Variants in DZIP1L observed in about 807,000 individuals in gnomAD.
DZIP1L encodes cilium assembly protein DZIP1L.
DZIP1L carries 90 observed loss-of-function variants against 88.7 expected under a neutral mutation model. The observed-to-expected ratio is 1.02, with a 90% confidence interval of 0.86 to 1.21. The LOEUF (loss-of-function observed/expected upper bound fraction) is 1.21, where lower values mean the gene tolerates loss of function less well. Ranked by LOEUF, DZIP1L falls within the 50% of genes most tolerant of loss-of-function variation. The pLI is 0.00. For synonymous variants in DZIP1L, 363 were observed against 372.1 expected (o/e 0.98, Z 0.28); for missense variants, 932 against 955.8 (o/e 0.98, Z 0.33).
At chr3:138,101,291 G>A (rs1332771715) in intron 2 of DZIP1L, among the ~76,000 whole-genome samples, 1 of 149,402 alleles carries the variant, frequency 6.7e-6, no homozygotes. Flanking sequence ...CAATTGAATT[G>A]TTTTGTAGCT....
chr3:138,105,445 T>A (rs1267127923), intron 1 of DZIP1L, among the ~76,000 whole-genome samples: 1 of 152,064 alleles, frequency 6.6e-6, no homozygotes, highest in Non-Finnish European at 1.5e-5. Flanking sequence ...GATACCAAAA[T>A]CTACAGATGC....
rs1944301820 is a variant in DZIP1L, at chr3:138,092,867, G to T, written c.709-323C>A. ...TCTTCAGGCTCCACTTCTAAGTCTAGTTCTCTTGCTATTTCCACCACATCT... is the reference window on the plus strand; with the variant it reads ...TCTTCAGGCTCCACTTCTAAGTCTATTTCTCTTGCTATTTCCACCACATCT... On this transcript the variant is annotated intron_variant, in intron 4 of 15. Coordinates refer to ENST00000327532, the MANE Select transcript of DZIP1L (RefSeq NM_173543.3). Among the ~76,000 whole-genome samples the T allele has an allele frequency of 3.3e-5, 5 of 152,182 alleles. No homozygotes were observed. In the South Asian group the frequency reaches 1.0e-3, roughly 32 times the overall value.
At chr3:138,085,783 T>C (rs1261867448) in intron 7 of DZIP1L, among the ~76,000 whole-genome samples, 1 of 152,214 alleles carries the variant, frequency 6.6e-6, no homozygotes. Flanking sequence ...CTATAAATCA[T>C]GCTGCTATAA....
At chr3:138,066,003 C>A (rs560859416) in intron 14 of DZIP1L, among the ~76,000 whole-genome samples, 1 of 152,328 alleles carries the variant, frequency 6.6e-6, no homozygotes, top group South Asian at 2.1e-4. Context: ...CAGGTCTCTA[C>A]AATGCCCTTT....
At chr3:138,112,014 A>G (rs2042628418) in intron 1 of DZIP1L, among the ~76,000 whole-genome samples, 1 of 152,174 alleles carries the variant, frequency 6.6e-6, no homozygotes, top group Non-Finnish European at 1.5e-5. Context: ...AAAAAAAAAA[A>G]AAAGATGGAG....
chr3:138,098,216 CA>C (rs1187857275), intron 2 of DZIP1L, among the ~76,000 whole-genome samples: 1 of 152,146 alleles, frequency 6.6e-6, no homozygotes, highest in Non-Finnish European at 1.5e-5. Flanking sequence ...TAATATGCTT[CA>C]AAATAATCCA....
chr3:138,068,306 C>CT lies in DZIP1L; in HGVS notation c.1676dup (p.Val560GlyfsTer59), dbSNP rs767156654. 6.3e-7 allele frequency: 1 copy of CT among 1,594,986 alleles called. No homozygotes were observed. Among genetic ancestry groups the CT allele is most frequent in the African/African-American group, 1.3e-5 (1 of 74,416 alleles). ...CTGCCGGTGTGGATGGCAAGGCCACCTGCAGGGTCCTGGTCTTTGGCTGGG... is the reference window on the plus strand; with the variant it reads ...CTGCCGGTGTGGATGGCAAGGCCACCTTGCAGGGTCCTGGTCTTTGGCTGGG... On this transcript the variant is annotated frameshift_variant, in exon 13 of 16. Coordinates refer to ENST00000327532, the MANE Select transcript of DZIP1L (RefSeq NM_173543.3). LOFTEE classifies it high-confidence loss of function.
At position 138,064,660 on chromosome 3, in the gene DZIP1L, G is replaced by A; in HGVS notation, c.2110C>T (p.Gln704Ter). The A allele has an allele frequency of 6.2e-7, 1 of 1,614,164 alleles. No individual in the cohort carries two copies. The highest frequency in any genetic ancestry group is 1.3e-5 in the African/African-American group (1 of 75,036). The change falls in exon 15 of 16, where the codon CAG (glutamine) becomes TAG (stop). Residue 704 changes from glutamine to a stop codon, truncating the protein, a stop_gained. Coordinates refer to ENST00000327532, the MANE Select transcript of DZIP1L (RefSeq NM_173543.3). LOFTEE classifies it low-confidence loss of function (END_TRUNC). Reference protein sequence around the residue: ...SLFFMPNAGPQRAATPGRKPQ... With the variant: ...SLFFMPNAGP ...TTCCTTCCTGGTGTGGCAGCCCTCT[G>A]TGGCCCAGCATTGGGCATAAAAAAC...
chr3:138,111,474 A>C (rs896900512), intron 1 of DZIP1L, among the ~76,000 whole-genome samples: 3 of 152,186 alleles, frequency 2.0e-5, no homozygotes, highest in African/African-American at 7.2e-5. Flanking sequence ...GCTGACTGTC[A>C]AGATATGGCC....
In DZIP1L at chr3:138,094,848, C is replaced by T. The variant is rs758512346; in HGVS notation, c.708+14G>A. The T allele has an allele frequency of 5.0e-6, 8 of 1,614,052 alleles. No individual in the cohort carries two copies. In the East Asian group the frequency reaches 1.6e-4, roughly 31 times the overall value. ...ATGACCCAAGTCTCCCTGATGTTTT[C>T]TCTCCCTGCCCACCTGGAGCTGCCG... On this transcript the variant is annotated intron_variant, in intron 4 of 15. Coordinates refer to ENST00000327532, the MANE Select transcript of DZIP1L (RefSeq NM_173543.3).
intron 10 of DZIP1L, among the ~76,000 whole-genome samples, chr3:138,077,973 C>T (rs1943489916): frequency 6.6e-6 from 1 of 152,170 alleles, no homozygotes; most frequent in African/African-American, 2.4e-5. Context: ...GGAGATTCTC[C>T]CTCTAACTTT....
At chr3:138,079,574 C>T (rs1576454423) in intron 10 of DZIP1L, among the ~76,000 whole-genome samples, 1 of 152,174 alleles carries the variant, frequency 6.6e-6, no homozygotes, top group Non-Finnish European at 1.5e-5. Context: ...TGGGTACACA[C>T]ATGTGCTTAT....
chr3:138,095,500 G>A (rs1944428204), intron 3 of DZIP1L, among the ~76,000 whole-genome samples: 1 of 152,036 alleles, frequency 6.6e-6, no homozygotes, highest in Admixed American at 6.6e-5. Context: ...TAAATTTCAG[G>A]CCGGGCGCAG....
intron 11 of DZIP1L, among the ~76,000 whole-genome samples, chr3:138,072,704 C>T (rs1451204799): frequency 6.6e-6 from 1 of 152,212 alleles, no homozygotes; most frequent in Non-Finnish European, 1.5e-5. Context: ...CTGCTGCAGA[C>T]TCCCTGAGAT....
In DZIP1L at chr3:138,064,702, C is replaced by T. The variant is rs771180627; in HGVS notation, c.2068G>A (p.Ala690Thr). 14 of 1,612,234 alleles carry T rather than the reference C, an allele frequency of 8.7e-6. No homozygotes were observed. Among genetic ancestry groups the T allele is most frequent in the African/African-American group, 1.3e-5 (1 of 74,812 alleles). Residue 690 changes from alanine (A) to threonine (T), a missense_variant, in exon 15 of 16, where the codon GCT becomes ACT. Transcript: ENST00000327532. ...ATAAAAAACAGACTGACCCCTCCAGCAGGCTTCTTTGCTGGAGCTTCTAGC... is the reference window on the plus strand; with the variant it reads ...ATAAAAAACAGACTGACCCCTCCAGTAGGCTTCTTTGCTGGAGCTTCTAGC... The part of the protein sequence containing the change: ...KQLEAPAKKP[A>T]GGVSLFFMPN...
chr3:138,070,047 G>A (rs1943105508), intron 12 of DZIP1L, among the ~76,000 whole-genome samples: 1 of 152,116 alleles, frequency 6.6e-6, no homozygotes, highest in African/African-American at 2.4e-5. Context: ...GGAGTGGGTG[G>A]GGCGTAGCAC....
At chr3:138,090,595 G>A (rs1013432658) in intron 5 of DZIP1L, among the ~76,000 whole-genome samples, 1 of 152,044 alleles carries the variant, frequency 6.6e-6, no homozygotes, top group Admixed American at 6.6e-5. Flanking sequence ...CAGAGTTCTC[G>A]TTTCAACCCC....
At chr3:138,100,075 C>T (rs1210064465) in intron 2 of DZIP1L, among the ~76,000 whole-genome samples, 1 of 151,536 alleles carries the variant, frequency 6.6e-6, no homozygotes, top group Non-Finnish European at 1.5e-5. Context: ...ATTAAGATGC[C>T]GGGCTCAGGT....
Position 138,088,490 on chromosome 3 carries a change from C to A in DZIP1L, c.888G>T (p.Gln296His). ...STLEEKLRALQSHSVMESKLG... is the reference protein window; with the variant it reads ...STLEEKLRALHSHSVMESKLG... ...GCTTGGACTCCATCACACTGTGGGA[C>A]TGCAGTGCCCGCAGTTTCTGAAAAG... Residue 296 changes from glutamine (Q) to histidine (H), a missense_variant, in exon 6 of 16, where the codon CAG (glutamine) becomes CAT (histidine). Physicochemically the swap from Gln to His is conservative, Grantham distance 24 (BLOSUM62 0). Coordinates refer to ENST00000327532, the MANE Select transcript of DZIP1L (RefSeq NM_173543.3). 6.2e-7 allele frequency: 1 copy of A among 1,613,626 alleles called. No individual in the cohort carries two copies. The highest frequency in any genetic ancestry group is 8.5e-7 in the Non-Finnish European group (1 of 1,179,794).
Sources: gnomAD v4.1 joint callset for allele counts (sites outside exome capture counted in the v4.1 genomes callset) on GRCh38, gnomAD v4.1.1 for gene constraint, MANE v1.5 for transcripts, NCBI Gene and HGNC (gene_info 2026-07-23, HGNC 2026-07-21) for gene names.